The following EFHC2 variants were observed in gnomAD, a reference collection of about 807,000 sequenced individuals.
EFHC2 encodes the protein EF-hand domain containing 2.
EFHC2 carries 18 observed loss-of-function variants against 52.7 expected under a neutral mutation model. The observed-to-expected ratio is 0.34, with a 90% CI of 0.24 to 0.51. The LOEUF (loss-of-function observed/expected upper bound fraction) is 0.51, where lower values mean the gene tolerates loss of function less well. Among genes scored for constraint, EFHC2 ranks in the 20% least tolerant of loss-of-function variants. EFHC2 has a pLI of 0.97. For synonymous variants in EFHC2, 203 were observed against 204.1 expected (o/e 0.99, Z 0.04); for missense variants, 513 against 562.5 (o/e 0.91, Z 0.89).
At chrX:44,269,238 C>T (rs1007594790) in intron 3 of EFHC2, among the ~76,000 whole-genome samples, 1 of 110,944 alleles carries the variant, frequency 9.0e-6, no homozygotes, top group African/African-American at 3.3e-5. Context: ...CCTGGAGGGG[C>T]ATCACCACAC....
In EFHC2 at chrX:44,328,774, C is replaced by T. The variant is rs532357032; in HGVS notation, c.42+14773G>A. 6.6e-4 allele frequency among the ~76,000 whole-genome samples: 74 copies of T among 111,328 alleles called. 1 individual carries two copies. In the South Asian group the frequency reaches 0.028, roughly 42 times the overall value. On this transcript the variant is annotated intron_variant, in intron 1 of 14. Transcript: ENST00000420999. ...ATAGGGTGTAACCTTTGTAACTTCA[C>T]TTCAGCCTCTGATTGGTTGCTTTCC...
intron 1 of EFHC2, among the ~76,000 whole-genome samples, chrX:44,313,725 G>A (rs1230789424): frequency 2.7e-5 from 3 of 110,980 alleles, no homozygotes; most frequent in East Asian, 2.8e-4. Context: ...AGGCTGAGGC[G>A]GGAGGATCAC....
At chrX:44,280,778 C>T (rs923099330) in intron 2 of EFHC2, among the ~76,000 whole-genome samples, 39 of 111,776 alleles carry the variant, frequency 3.5e-4, no homozygotes, top group African/African-American at 1.3e-3. Flanking sequence ...AACTCTGTGA[C>T]CCAGATAAAA....
At chrX:44,241,757 C>T (rs183938958) in intron 8 of EFHC2, among the ~76,000 whole-genome samples, 119 of 112,565 alleles carry the variant, frequency 1.1e-3, no homozygotes, top group African/African-American at 3.7e-3. Flanking sequence ...TTGTGACAGA[C>T]ACCGTATGGC....
chrX:44,284,272 C>G (rs1285572959), intron 2 of EFHC2: 1 of 111,884 alleles, frequency 8.9e-6, no homozygotes, highest in African/African-American at 3.3e-5. Flanking sequence ...ACTCTGCCAG[C>G]CCCGTTTTTA....
At chrX:44,228,281 C>T (rs1431723879) in intron 11 of EFHC2, among the ~76,000 whole-genome samples, 1 of 111,852 alleles carries the variant, frequency 8.9e-6, no homozygotes, top group East Asian at 2.8e-4. Flanking sequence ...CCTTGGATCG[C>T]CTGCCTGGCC....
rs141070628 is a variant in EFHC2, at chrX:44,295,427, C to A, written c.231+17141G>T. On this transcript the variant is annotated intron_variant, in intron 2 of 14. Transcript: ENST00000420999. ...GTTCGGTATGTGGGGTACTGCAAGT[C>A]ATTTTGTGTGGCTAAGGGTTGAGTG... is the stretch of plus-strand genomic sequence containing the variant. Among the ~76,000 whole-genome samples, 231 of 111,562 alleles carry A rather than the reference C, an allele frequency of 2.1e-3. 1 individual carries two copies. Among genetic ancestry groups the A allele is most frequent in the African/African-American group, 7.1e-3 (218 of 30,679 alleles).
chrX:44,230,636 C>T (rs2037269184), intron 10 of EFHC2, among the ~76,000 whole-genome samples: 1 of 110,957 alleles, frequency 9.0e-6, no homozygotes, highest in Non-Finnish European at 1.9e-5. Flanking sequence ...TTGTTAAGGG[C>T]AGTTTTAAAA....
At chrX:44,233,305 T>G (rs1408069149) in intron 9 of EFHC2, among the ~76,000 whole-genome samples, 1 of 112,593 alleles carries the variant, frequency 8.9e-6, no homozygotes, top group Non-Finnish European at 1.9e-5. Context: ...AGGAGATTAC[T>G]TAAGTGTTTA....
intron 4 of EFHC2, among the ~76,000 whole-genome samples, chrX:44,257,461 A>C (rs924506970): frequency 8.9e-6 from 1 of 111,959 alleles, no homozygotes; most frequent in Non-Finnish European, 1.9e-5. Flanking sequence ...TACAAAATCG[A>C]TGTGCAAAAA....
At position 44,178,401 on chromosome X, in the gene EFHC2, A is replaced by C; in HGVS notation, c.1915T>G (p.Phe639Val). ...KKNMFENFDT[F>V]IYSCVYEDRE... ...TCTTCATACACACAGGAATAAATGA[A>C]AGTGTCGAAATTCTCAAACATATTT... is the stretch of plus-strand genomic sequence containing the variant. The change falls in exon 12 of 15, where the codon TTC becomes GTC. Residue 639 changes from phenylalanine to valine, a missense_variant. Coordinates refer to ENST00000420999, the MANE Select transcript of EFHC2 (RefSeq NM_025184.4). 1 of 1,199,868 alleles carries C rather than the reference A, an allele frequency of 8.3e-7. No homozygotes were observed. Among genetic ancestry groups the C allele is most frequent in the South Asian group, 1.8e-5 (1 of 54,403 alleles).
At chrX:44,196,602 C>G (rs954158929) in intron 11 of EFHC2, among the ~76,000 whole-genome samples, 5 of 111,729 alleles carry the variant, frequency 4.5e-5, no homozygotes, top group Non-Finnish European at 9.4e-5. Context: ...AAAAGACAGT[C>G]TTCCAGAAAA....
intron 14 of EFHC2, among the ~76,000 whole-genome samples, chrX:44,158,236 T>G (rs932048125): frequency 2.5e-4 from 28 of 111,879 alleles, no homozygotes; most frequent in African/African-American, 9.1e-4. Context: ...CTACTCAGCT[T>G]TCATCAGCCA....
intron 2 of EFHC2, chrX:44,310,166 G>T (rs908908872): frequency 2.9e-6 from 2 of 689,334 alleles, no homozygotes; most frequent in Non-Finnish European, 4.8e-6. Context: ...CCACCTCCTC[G>T]GTGGTCCAGA....
intron 11 of EFHC2, among the ~76,000 whole-genome samples, chrX:44,199,953 A>G (rs191828699): frequency 2.5e-4 from 28 of 112,400 alleles, no homozygotes; most frequent in African/African-American, 8.4e-4. Flanking sequence ...CAGACCACAG[A>G]AGACTAACAT....
At chrX:44,218,071 AGG>A (rs2037165385) in intron 11 of EFHC2, among the ~76,000 whole-genome samples, 1 of 111,768 alleles carries the variant, frequency 8.9e-6, no homozygotes, top group Admixed American at 9.5e-5. Context: ...TTCACATTAT[AGG>A]GGAGCATGTT....
At chrX:44,189,721 T>G (rs1302115339) in intron 11 of EFHC2, among the ~76,000 whole-genome samples, 2 of 110,991 alleles carry the variant, frequency 1.8e-5, no homozygotes, top group Admixed American at 1.9e-4. Context: ...TCGGATGGAC[T>G]CTAAGCCTCT....
intron 13 of EFHC2, among the ~76,000 whole-genome samples, chrX:44,172,038 G>A (rs914557304): frequency 8.9e-6 from 1 of 112,049 alleles, no homozygotes; most frequent in East Asian, 2.8e-4. Context: ...TCTGGGAGCA[G>A]GGCAGGGGGC....
chrX:44,221,814 G>A (rs977159778), intron 11 of EFHC2, among the ~76,000 whole-genome samples: 2 of 111,742 alleles, frequency 1.8e-5, no homozygotes, highest in Non-Finnish European at 1.9e-5. Flanking sequence ...TTAGTCTCAC[G>A]CTTCTTGTCC....
Sources: gnomAD v4.1 joint callset for allele counts (sites outside exome capture counted in the v4.1 genomes callset) on GRCh38, gnomAD v4.1.1 for gene constraint, MANE v1.5 for transcripts, NCBI Gene and HGNC (gene_info 2026-07-23, HGNC 2026-07-21) for gene names.